The following RBL1 variants were observed in gnomAD, a reference collection of about 807,000 sequenced individuals.
RBL1 encodes the protein RB transcriptional corepressor like 1, also known as retinoblastoma-like protein 1.
A neutral mutation model predicts 123.0 loss-of-function variants in RBL1; 82 were observed. That is an observed-to-expected ratio of 0.67 (90% confidence interval 0.56 to 0.80). The LOEUF (loss-of-function observed/expected upper bound fraction) is 0.80, where lower values mean the gene tolerates loss of function less well. RBL1 is among the 30% of genes least tolerant of loss of function. RBL1 has a pLI of 0.00. For missense variants in RBL1, 1,171 were observed against 1,299.6 expected, an observed-to-expected ratio of 0.90 and a Z score of 1.52; for synonymous variants, 405 against 441.3, an observed-to-expected ratio of 0.92 and a Z score of 1.03.
intron 1 of RBL1, among the ~76,000 whole-genome samples, chr20:37,095,289 T>C (rs2065715090): frequency 6.6e-6 from 1 of 152,088 alleles, no homozygotes; most frequent in African/African-American, 2.4e-5. Flanking sequence ...TGGGTCTGGC[T>C]CCATCTCTAA....
intron 2 of RBL1, among the ~76,000 whole-genome samples, chr20:37,073,705 G>GAAAAAAAAAAAAAAAA (rs796752326): frequency 6.8e-5 from 7 of 103,114 alleles, no homozygotes; most frequent in African/African-American, 1.9e-4. Flanking sequence ...CTCAAAAAAA[G>GAAAAAAAAAAAAAAAA]AAAAAAAAAA....
At chr20:37,011,681 C>G (rs1466543059) in intron 19 of RBL1, among the ~76,000 whole-genome samples, 1 of 151,526 alleles carries the variant, frequency 6.6e-6, no homozygotes, top group Non-Finnish European at 1.5e-5. Context: ...GTGATCTGCC[C>G]GCCTCGGTCT....
At chr20:37,019,549 C>G (rs982993956) in intron 18 of RBL1, among the ~76,000 whole-genome samples, 1 of 152,170 alleles carries the variant, frequency 6.6e-6, no homozygotes, top group South Asian at 2.1e-4. Context: ...TAACAAATAC[C>G]TGTACTTGGT....
chr20:37,035,275 T>G lies in RBL1; in HGVS notation c.2137A>C (p.Thr713Pro). Reference sequence around the variant, plus strand: ...GGAATTGTAACTTTATGTCCTGTTGTTCCTGTTACTGGGGCTGTGGCCATT... The same window carrying G: ...GGAATTGTAACTTTATGTCCTGTTGGTCCTGTTACTGGGGCTGTGGCCATT... ...LTMATAPVTGTTGHKVTIPLH... is the reference protein window; with the variant it reads ...LTMATAPVTGPTGHKVTIPLH... The change falls in exon 15 of 22, where the codon ACA becomes CCA. Residue 713 changes from threonine (T) to proline (P), a missense_variant. Transcript: ENST00000373664. 6.2e-7 allele frequency: 1 copy of G among 1,613,982 alleles called. No homozygotes were observed. The highest frequency in any genetic ancestry group is 8.5e-7 in the Non-Finnish European group (1 of 1,179,832).
At chr20:37,038,556 C>T (rs1248132124) in intron 14 of RBL1, among the ~76,000 whole-genome samples, 40 of 151,090 alleles carry the variant, frequency 2.6e-4, no homozygotes, top group African/African-American at 9.5e-4. Flanking sequence ...GCCTCAGCCT[C>T]CCAAAGTGCT....
intron 13 of RBL1, among the ~76,000 whole-genome samples, chr20:37,043,863 C>A (rs2064772495): frequency 6.6e-6 from 1 of 151,822 alleles, no homozygotes; most frequent in Non-Finnish European, 1.5e-5. Context: ...GGAGAAGATT[C>A]GGGGGTAGGG....
intron 17 of RBL1, among the ~76,000 whole-genome samples, chr20:37,021,411 G>A (rs1389419307): frequency 1.3e-5 from 2 of 151,774 alleles, no homozygotes; most frequent in African/African-American, 4.8e-5. Context: ...GAAAACACAC[G>A]ATTAGTTAGT....
At chr20:37,056,382 T>C (rs2065007747) in intron 9 of RBL1, 124 bp from the exon 10 acceptor site, 1 of 1,266,526 alleles carries the variant, frequency 7.9e-7, no homozygotes, top group Non-Finnish European at 1.0e-6. Context: ...TGAGACGGAG[T>C]CTCGCTCTGT....
rs185256646 is a variant in RBL1, at chr20:37,047,554, G to A, written c.1468-364C>T. Among the ~76,000 whole-genome samples, 51 of 152,300 alleles carry A rather than the reference G, an allele frequency of 3.3e-4. 1 individual carries two copies. The highest frequency in any genetic ancestry group is 3.4e-3 in the Middle Eastern group (1 of 294). On this transcript the variant is annotated intron_variant, in intron 11 of 21. Coordinates refer to ENST00000373664, the MANE Select transcript of RBL1 (RefSeq NM_002895.5). Reference sequence around the variant, plus strand: ...AAAACACAGAAATGAAAGGTAATATGTCACAGTTTAGACAAAACTGTTCAG... The same window carrying A: ...AAAACACAGAAATGAAAGGTAATATATCACAGTTTAGACAAAACTGTTCAG...
intron 8 of RBL1, 30 bp from the exon 9 acceptor site, chr20:37,061,299 T>C: frequency 6.2e-7 from 1 of 1,601,474 alleles, no homozygotes; most frequent in Non-Finnish European, 8.5e-7. Context: ...CGTGAGTTTT[T>C]AAAAGTTACC....
intron 19 of RBL1, among the ~76,000 whole-genome samples, chr20:37,014,466 G>T (rs6103221): frequency 6.6e-6 from 1 of 152,164 alleles, no homozygotes; most frequent in South Asian, 2.1e-4. Flanking sequence ...CTGTAACAAT[G>T]GTTGTTTGCT....
At chr20:37,007,584 G>T in intron 19 of RBL1, 25 bp from the exon 20 acceptor site, 3 of 1,605,114 alleles carry the variant, frequency 1.9e-6, no homozygotes, top group Non-Finnish European at 2.5e-6. Context: ...GCAATGTTGT[G>T]ATACAAAGCA....
chr20:37,092,274 G>A (rs1190587490), intron 1 of RBL1, among the ~76,000 whole-genome samples: 1 of 151,980 alleles, frequency 6.6e-6, no homozygotes, highest in African/African-American at 2.4e-5. Context: ...CTAGCAAGAT[G>A]GTGAAAATAT....
chr20:37,066,237 A>T (rs902544426), intron 6 of RBL1, among the ~76,000 whole-genome samples: 1 of 152,236 alleles, frequency 6.6e-6, no homozygotes, highest in African/African-American at 2.4e-5. Flanking sequence ...TTAATTACCA[A>T]GGAGACAATG....
At chr20:37,074,315 G>C (rs2065328375) in intron 2 of RBL1, among the ~76,000 whole-genome samples, 1 of 151,352 alleles carries the variant, frequency 6.6e-6, no homozygotes, top group Non-Finnish European at 1.5e-5. Flanking sequence ...TCGAGGGGCT[G>C]AGGTAGGCAG....
chr20:37,070,330 C>T (rs559533667), intron 2 of RBL1, among the ~76,000 whole-genome samples: 16 of 152,214 alleles, frequency 1.1e-4, no homozygotes, highest in African/African-American at 2.4e-4. Context: ...ACACAAACAC[C>T]GCGGAAGGCC....
chr20:37,014,100 T>G (rs1351749718), intron 19 of RBL1, among the ~76,000 whole-genome samples: 1 of 151,600 alleles, frequency 6.6e-6, no homozygotes, highest in Non-Finnish European at 1.5e-5. Context: ...TTTTTTTTTT[T>G]TTTGAGACAG....
chr20:37,002,320 G>A (rs1472251747), intron 21 of RBL1, among the ~76,000 whole-genome samples: 6 of 137,920 alleles, frequency 4.4e-5, no homozygotes, highest in South Asian at 2.4e-4. Flanking sequence ...GTGAGCCACC[G>A]TGCCTAGCCT....
intron 19 of RBL1, among the ~76,000 whole-genome samples, chr20:37,009,493 GA>G (rs2064120675): frequency 6.6e-6 from 1 of 152,036 alleles, no homozygotes; most frequent in Non-Finnish European, 1.5e-5. Context: ...GAGTAGCTGG[GA>G]CTACAGGTGC....
Sources: allele counts gnomAD v4.1 joint callset (sites outside exome capture counted in the v4.1 genomes callset), GRCh38; gene constraint gnomAD v4.1.1; transcripts MANE v1.5; gene names NCBI Gene and HGNC (gene_info 2026-07-23, HGNC 2026-07-21).